ATP8B1: variants seen among roughly 807,000 people sequenced by gnomAD.
ATP8B1 encodes the protein ATPase phospholipid transporting 8B1.
In ATP8B1, 80 loss-of-function variants were observed where a neutral mutation model predicts 149.9. The ratio of observed to expected loss-of-function variants is 0.53; its 90% CI spans 0.45 to 0.64. The LOEUF (loss-of-function observed/expected upper bound fraction) is 0.64. Among genes scored for constraint, ATP8B1 ranks in the 30% least tolerant of loss-of-function variants. The pLI, the probability that ATP8B1 is intolerant of heterozygous loss-of-function variation, is 0.00. For missense variants in ATP8B1, 1,247 were observed against 1,552.6 expected, an observed-to-expected ratio of 0.80 and a Z score of 3.31; for synonymous variants, 536 against 562.8, an observed-to-expected ratio of 0.95 and a Z score of 0.67.
At chr18:57,801,987 C>T (rs1165663826) in intron 1 of ATP8B1, 1 of 151,746 alleles carries the variant, frequency 6.6e-6, no homozygotes, top group Non-Finnish European at 1.5e-5. Context: ...CCCCCTTCCC[C>T]AATTTGCATC....
intron 1 of ATP8B1, among the ~76,000 whole-genome samples, chr18:57,777,005 G>A (rs1186215322): frequency 6.7e-6 from 1 of 148,700 alleles, no homozygotes; most frequent in Admixed American, 6.7e-5. Flanking sequence ...TTTAAATAGG[G>A]TATCACTGTC....
In ATP8B1 at chr18:57,719,075, G is replaced by A. The variant is rs531801220; in HGVS notation, c.182-12488C>T. Among the ~76,000 whole-genome samples the A allele has an allele frequency of 2.2e-4, 34 of 152,252 alleles. 1 individual carries two copies. In the South Asian group the frequency reaches 4.8e-3, roughly 21 times the overall value. ...AATAAGTCAAATTATCCTTGTTTGC[G>A]GATGATATGATCTCATATTTGGAAA... On this transcript the variant is annotated intron_variant, in intron 2 of 27. Coordinates refer to ENST00000648908, the MANE Select transcript of ATP8B1 (RefSeq NM_001374385.1).
intron 15 of ATP8B1, among the ~76,000 whole-genome samples, chr18:57,681,070 A>G (rs1026222001): frequency 6.6e-6 from 1 of 152,188 alleles, no homozygotes; most frequent in Non-Finnish European, 1.5e-5. Flanking sequence ...CTGACCTTAA[A>G]ATAGATTATC....
At chr18:57,687,773 A>ATTTTTTT (rs11342488) in intron 13 of ATP8B1, among the ~76,000 whole-genome samples, 1 of 95,244 alleles carries the variant, frequency 1.0e-5, no homozygotes, top group Non-Finnish European at 2.0e-5. Flanking sequence ...GAGACTTCTA[A>ATTTTTTT]TTTTTTTTTT....
chr18:57,695,838 AG>A (rs1006015858), intron 8 of ATP8B1, among the ~76,000 whole-genome samples: 3 of 152,232 alleles, frequency 2.0e-5, no homozygotes, highest in Admixed American at 2.0e-4. Context: ...GGACTACCAA[AG>A]TGCTGTTTGA....
At chr18:57,760,858 G>A (rs549226743) in intron 1 of ATP8B1, among the ~76,000 whole-genome samples, 94 of 151,780 alleles carry the variant, frequency 6.2e-4, no homozygotes, top group South Asian at 1.9e-3. Context: ...GCATGATGGC[G>A]CGCACCTGTA....
At chr18:57,713,171 C>CTTTCTT (rs1913774531) in intron 2 of ATP8B1, among the ~76,000 whole-genome samples, 1 of 72,842 alleles carries the variant, frequency 1.4e-5, no homozygotes, top group South Asian at 6.1e-4. Flanking sequence ...TTCTTTCTTT[C>CTTTCTT]TTTCTTTCTT....
chr18:57,686,205 A>G (rs1405525494), intron 13 of ATP8B1, among the ~76,000 whole-genome samples: 1 of 152,136 alleles, frequency 6.6e-6, no homozygotes, highest in Admixed American at 6.6e-5. Flanking sequence ...GAGGGGTTGC[A>G]GTGAGCTGAG....
chr18:57,667,511 A>G, intron 19 of ATP8B1: 1 of 274,918 alleles, frequency 3.6e-6, no homozygotes, highest in Non-Finnish European at 7.2e-6. Flanking sequence ...GAACATAACC[A>G]GATTCACACA....
intron 1 of ATP8B1, among the ~76,000 whole-genome samples, chr18:57,790,029 A>G (rs77956405): frequency 0.021 from 3,134 of 152,238 alleles, 114 homozygotes; most frequent in African/African-American, 0.07. Flanking sequence ...TCAAAGCTAC[A>G]TTCATCTTCT....
chr18:57,799,605 A>G (rs1483849670), intron 1 of ATP8B1, among the ~76,000 whole-genome samples: 1 of 151,304 alleles, frequency 6.6e-6, no homozygotes, highest in Admixed American at 6.6e-5. Context: ...GTTACTCGGG[A>G]GGCTGAGACA....
At chr18:57,772,859 G>T (rs909914468) in intron 1 of ATP8B1, among the ~76,000 whole-genome samples, 6 of 152,200 alleles carry the variant, frequency 3.9e-5, no homozygotes, top group Non-Finnish European at 8.8e-5. Context: ...CACCTGCAGA[G>T]GTGAGGAGGT....
intron 18 of ATP8B1, 51 bp downstream of exon 18, chr18:57,669,267 T>A (rs749837126): frequency 3.3e-6 from 5 of 1,523,244 alleles, no homozygotes; most frequent in Non-Finnish European, 4.4e-6. Flanking sequence ...TAATAAAAAT[T>A]TCAATTCTGC....
At chr18:57,800,355 A>T (rs1220440327) in intron 1 of ATP8B1, among the ~76,000 whole-genome samples, 6 of 152,138 alleles carry the variant, frequency 3.9e-5, no homozygotes, top group East Asian at 1.9e-4. Context: ...AAAAAATTTT[A>T]AAAAACAACT....
chr18:57,655,546 T>G, intron 22 of ATP8B1, 129 bp from the exon 23 acceptor site: 1 of 847,816 alleles, frequency 1.2e-6, no homozygotes, highest in Admixed American at 2.0e-5. Flanking sequence ...ATACAGAAGC[T>G]CTTGCTCACC....
intron 1 of ATP8B1, among the ~76,000 whole-genome samples, chr18:57,732,287 ATGTATATATATG>A (rs1168334577): frequency 1.2e-4 from 1 of 8,570 alleles, no homozygotes; most frequent in African/African-American, 2.1e-4. Flanking sequence ...ATGTGTATAT[ATGTATATATATG>A]TGTATATATG....
At chr18:57,792,937 G>A (rs943453607) in intron 1 of ATP8B1, among the ~76,000 whole-genome samples, 3 of 152,084 alleles carry the variant, frequency 2.0e-5, no homozygotes, top group African/African-American at 2.4e-5. Context: ...GTTACAGACC[G>A]CCCTCCTGTC....
At chr18:57,731,952 G>A (rs1045437123) in intron 1 of ATP8B1, 120 bp from the exon 2 acceptor site, 29 of 947,088 alleles carry the variant, frequency 3.1e-5, no homozygotes, top group Non-Finnish European at 4.5e-5. Context: ...TAAATATTCT[G>A]GAATAGTACC....
At chr18:57,700,791 G>C (rs567146147) in intron 6 of ATP8B1, among the ~76,000 whole-genome samples, 1 of 152,094 alleles carries the variant, frequency 6.6e-6, no homozygotes. Context: ...GGTGGTGCAC[G>C]CCTGTAATCC....
Sources: gnomAD v4.1 joint callset for allele counts (sites outside exome capture counted in the v4.1 genomes callset) on GRCh38, gnomAD v4.1.1 for gene constraint, MANE v1.5 for transcripts, NCBI Gene and HGNC (gene_info 2026-07-23, HGNC 2026-07-21) for gene names.